The following TAFA4 variants were observed in gnomAD, a reference collection of about 807,000 sequenced individuals.
TAFA4 encodes chemokine-like protein TAFA-4.
A neutral mutation model predicts 21.1 loss-of-function variants in TAFA4; 20 were observed. The observed-to-expected ratio is 0.95, with a 90% CI of 0.67 to 1.38. The LOEUF is 1.38. TAFA4 is among the 40% of genes most tolerant of loss of function. TAFA4 has a pLI of 0.00. For synonymous variants in TAFA4, 71 were observed against 67.4 expected, an observed-to-expected ratio of 1.05 and a Z score of -0.26; for missense variants, 211 against 180.9, an observed-to-expected ratio of 1.17 and a Z score of -0.95.
At chr3:68,913,427 G>A (rs1445573270) in intron 1 of TAFA4, among the ~76,000 whole-genome samples, 1 of 152,094 alleles carries the variant, frequency 6.6e-6, no homozygotes, top group Non-Finnish European at 1.5e-5. Context: ...AATAAAGCTG[G>A]CCATCAGGGA....
At chr3:68,806,507 A>G (rs1280639085) in intron 3 of TAFA4, among the ~76,000 whole-genome samples, 1 of 152,180 alleles carries the variant, frequency 6.6e-6, no homozygotes, top group Non-Finnish European at 1.5e-5. Context: ...TCTTTTACAT[A>G]CAAGAGTTGG....
chr3:68,873,882 C>A lies in TAFA4; in HGVS notation c.130+6848G>T, dbSNP rs138872945. 2.8e-3 allele frequency among the ~76,000 whole-genome samples: 430 copies of A among 152,318 alleles called. 3 individuals are homozygous for A. Among genetic ancestry groups the A allele is most frequent in the African/African-American group, 9.9e-3 (410 of 41,568 alleles). ...GTTCGGATTGCTGAAATCTCCCACA[C>A]CCTTGGATGGCTGGTATTTATTCCC... On this transcript the variant is annotated intron_variant, in intron 3 of 5. Transcript: ENST00000295569.
At chr3:68,916,574 T>G (rs1165702994) in intron 1 of TAFA4, among the ~76,000 whole-genome samples, 1 of 152,254 alleles carries the variant, frequency 6.6e-6, no homozygotes, top group Non-Finnish European at 1.5e-5. Flanking sequence ...GCATTCTGCC[T>G]GTATCATTTC....
chr3:68,791,243 C>T (rs918903938), intron 3 of TAFA4, among the ~76,000 whole-genome samples: 1 of 152,198 alleles, frequency 6.6e-6, no homozygotes, highest in Non-Finnish European at 1.5e-5. Context: ...GAAATAAGAC[C>T]TTTCCATGTG....
chr3:68,799,544 T>G (rs1324427895), intron 3 of TAFA4, among the ~76,000 whole-genome samples: 1 of 152,148 alleles, frequency 6.6e-6, no homozygotes, highest in African/African-American at 2.4e-5. Context: ...CAGTTGTGAT[T>G]AAATCAAGGA....
intron 3 of TAFA4, among the ~76,000 whole-genome samples, chr3:68,754,530 C>T (rs889306993): frequency 2.0e-5 from 3 of 152,176 alleles, no homozygotes; most frequent in Non-Finnish European, 4.4e-5. Context: ...CTCAGTGCAT[C>T]ATATCAGGAA....
intron 3 of TAFA4, among the ~76,000 whole-genome samples, chr3:68,805,442 T>C (rs1575615872): frequency 6.6e-6 from 1 of 152,202 alleles, no homozygotes; most frequent in African/African-American, 2.4e-5. Context: ...GACCCAGCCA[T>C]CCCATTACTG....
intron 1 of TAFA4, among the ~76,000 whole-genome samples, chr3:68,893,876 T>A (rs1267026918): frequency 6.6e-6 from 1 of 152,232 alleles, no homozygotes; most frequent in East Asian, 1.9e-4. Context: ...ATGCTAACAT[T>A]TTTAACTGGT....
At position 68,850,481 on chromosome 3, in the gene TAFA4, CA is replaced by C. The variant is rs562580174; in HGVS notation, c.130+30248del. Among the ~76,000 whole-genome samples the C allele has an allele frequency of 1.5e-4, 23 of 152,272 alleles. No homozygotes were observed. The East Asian group carries it at 1.9e-3, about 13-fold the overall frequency. On this transcript the variant is annotated intron_variant, in intron 3 of 5. Coordinates refer to ENST00000295569, the MANE Select transcript of TAFA4 (RefSeq NM_182522.5). ...AGAGGAATCACAATACTGTCTTCCA[CA>C]ATGGTTGAACTAATTTACACTCCCA...
At chr3:68,907,444 A>G (rs1376774353) in intron 1 of TAFA4, among the ~76,000 whole-genome samples, 2 of 152,248 alleles carry the variant, frequency 1.3e-5, no homozygotes, top group African/African-American at 2.4e-5. Context: ...CAGAAAATGC[A>G]AAGAGCTACA....
rs575774839 is a variant in TAFA4, at chr3:68,821,326, C to CTTTTT, written c.130+59399_130+59403dup. ...ATACACTATGTAGACAACCTCCCTGCTTTTTTTTTTTTTTTTTTTTTTTTT... is the reference window on the plus strand; with the variant it reads ...ATACACTATGTAGACAACCTCCCTGCTTTTTTTTTTTTTTTTTTTTTTTTTTTTTT... On this transcript the variant is annotated intron_variant, in intron 3 of 5. Coordinates refer to ENST00000295569, the MANE Select transcript of TAFA4 (RefSeq NM_182522.5). 1.9e-4 allele frequency among the ~76,000 whole-genome samples: 14 copies of CTTTTT among 73,738 alleles called. 2 individuals carry two copies. The highest frequency in any genetic ancestry group is 2.3e-4 in the Non-Finnish European group (9 of 39,762). 48.4% of individuals were successfully genotyped at this position (73,738 alleles called of 152,430 possible). A position where few individuals can be genotyped will look rare whatever the true frequency, so the allele number is the denominator to read the frequency against.
intron 3 of TAFA4, among the ~76,000 whole-genome samples, chr3:68,820,957 A>G (rs1704100638): frequency 6.6e-6 from 1 of 152,254 alleles, no homozygotes. Context: ...AAGGAATTAC[A>G]AACTGTGTTT....
chr3:68,883,964 G>C (rs1235708461), intron 2 of TAFA4, among the ~76,000 whole-genome samples: 3 of 138,752 alleles, frequency 2.2e-5, no homozygotes, highest in East Asian at 2.5e-4. Context: ...GGCAGGCAGG[G>C]AGGCAGGGAG....
At chr3:68,829,664 C>T (rs1238975100) in intron 3 of TAFA4, among the ~76,000 whole-genome samples, 1 of 152,148 alleles carries the variant, frequency 6.6e-6, no homozygotes, top group Non-Finnish European at 1.5e-5. Flanking sequence ...TCTGTTGGGT[C>T]TCTGCCAGGC....
intron 4 of TAFA4, among the ~76,000 whole-genome samples, chr3:68,742,612 G>C (rs1186866145): frequency 1.3e-5 from 2 of 152,148 alleles, no homozygotes; most frequent in Admixed American, 1.3e-4. Flanking sequence ...GACTACACAT[G>C]AGGTACAGTG....
intron 3 of TAFA4, among the ~76,000 whole-genome samples, chr3:68,816,157 G>A (rs904007398): frequency 6.6e-6 from 1 of 152,056 alleles, no homozygotes; most frequent in African/African-American, 2.4e-5. Flanking sequence ...ACACACCGGG[G>A]CCTGTTGTGG....
intron 3 of TAFA4, among the ~76,000 whole-genome samples, chr3:68,807,160 A>G (rs17048004): frequency 0.012 from 1,777 of 152,324 alleles, 37 homozygotes; most frequent in African/African-American, 0.04. Flanking sequence ...CAGGCTGGCT[A>G]GTGACTTGAA....
intron 3 of TAFA4, among the ~76,000 whole-genome samples, chr3:68,783,673 C>CAGAGAG (rs1163439201): frequency 2.1e-4 from 18 of 86,190 alleles, no homozygotes; most frequent in Admixed American, 3.5e-4. Context: ...CACACACACA[C>CAGAGAG]AGAGAGAGAG....
At chr3:68,917,033 A>C (rs1245424555) in intron 1 of TAFA4, among the ~76,000 whole-genome samples, 1 of 152,206 alleles carries the variant, frequency 6.6e-6, no homozygotes, top group Non-Finnish European at 1.5e-5. Context: ...AATAGATGTG[A>C]CGTACGTAGC....
Sources: gnomAD v4.1 joint callset for allele counts (sites outside exome capture counted in the v4.1 genomes callset) on GRCh38, gnomAD v4.1.1 for gene constraint, MANE v1.5 for transcripts, NCBI Gene and HGNC (gene_info 2026-07-23, HGNC 2026-07-21) for gene names.